The following EPHB3 variants were observed in gnomAD, a reference collection of about 807,000 sequenced individuals.
The protein encoded by EPHB3 is ephrin type-B receptor 3.
A neutral mutation model predicts 100.2 loss-of-function variants in EPHB3; 33 were observed. The ratio of observed to expected loss-of-function variants is 0.33; its 90% CI spans 0.25 to 0.44. The LOEUF (loss-of-function observed/expected upper bound fraction) is 0.44. Among genes scored for constraint, EPHB3 ranks in the 20% least tolerant of loss-of-function variants. EPHB3 has a pLI of 1.00. For synonymous variants in EPHB3, 526 were observed against 554.7 expected (o/e 0.95, Z 0.73); for missense variants, 1,045 against 1,378.3 (o/e 0.76, Z 3.83).
At position 184,573,826 on chromosome 3, in the gene EPHB3, T is replaced by C. The variant is rs1714603308; in HGVS notation, c.856+650T>C. Among the ~76,000 whole-genome samples the C allele has an allele frequency of 6.6e-6, 1 of 151,804 alleles. No individual in the cohort carries two copies. Among genetic ancestry groups the C allele is most frequent in the South Asian group, 2.1e-4 (1 of 4,804 alleles). ...TCCACCTCCCAGGTTCAAACAATTCTCCTGCCTCAGCCTCCTGAGTAGTTG... is the reference window on the plus strand; with the variant it reads ...TCCACCTCCCAGGTTCAAACAATTCCCCTGCCTCAGCCTCCTGAGTAGTTG... On this transcript the variant is annotated intron_variant, in intron 3 of 15. Transcript: ENST00000330394. The surrounding 1 kb of genome is among the most constrained non-coding windows in gnomAD (Gnocchi z 4.5).
rs753068697 is a variant in EPHB3, at chr3:184,577,832, G to A, written c.1639+15G>A. On this transcript the variant is annotated intron_variant, in intron 7 of 15. Transcript: ENST00000330394. The surrounding 1 kb of genome is among the most constrained non-coding windows in gnomAD (Gnocchi z 4.9). ...AAGTGAGAGAGGTTAGTAGCCCCCTGCGCCTGTCCCCATCGCGGCCCTCAC... is the reference window on the plus strand; with the variant it reads ...AAGTGAGAGAGGTTAGTAGCCCCCTACGCCTGTCCCCATCGCGGCCCTCAC... The A allele has an allele frequency of 6.2e-7, 1 of 1,605,736 alleles. No individual in the cohort carries two copies. Among genetic ancestry groups the A allele is most frequent in the Admixed American group, 1.7e-5 (1 of 59,674 alleles).
intron 11 of EPHB3, 84 bp downstream of exon 11, chr3:184,580,018 T>G: frequency 1.3e-6 from 2 of 1,543,064 alleles, no homozygotes; most frequent in Non-Finnish European, 1.7e-6. Context: ...AGACAGCCCC[T>G]ATTCAAGTCC....
At position 184,562,276 on chromosome 3, in the gene EPHB3, C is replaced by G; in HGVS notation, c.41C>G (p.Pro14Arg). The part of the protein sequence containing the change: ...ARPPPPPSPP[P>R]GLLPLLPPLL... ...CCGCCGCCGCCGCCGTCGCCGCCGCCGGGGCTTCTGCCGCTGCTCCCTCCG... is the reference window on the plus strand; with the variant it reads ...CCGCCGCCGCCGCCGTCGCCGCCGCGGGGGCTTCTGCCGCTGCTCCCTCCG... Residue 14 changes from proline to arginine, a missense_variant, in exon 1 of 16, where the codon CCG (proline) becomes CGG (arginine). Physicochemically the swap from Pro to Arg is moderately radical, Grantham distance 103. Around this residue, in one of 2 missense-constraint regions of EPHB3, gnomAD observed 60 missense variants for 47.2 expected, o/e 1.27. Coordinates refer to ENST00000330394, the MANE Select transcript of EPHB3 (RefSeq NM_004443.4). This position sits in a 1 kb window ranked among gnomAD's most constrained non-coding sequence, Gnocchi z 4.8. The G allele has an allele frequency of 8.3e-7, 1 of 1,207,900 alleles. No homozygotes were observed. 74.8% of individuals were successfully genotyped at this position (1,207,900 alleles called of 1,614,324 possible). A position where few individuals can be genotyped will look rare whatever the true frequency, so the allele number is the denominator to read the frequency against.
Position 184,581,762 on chromosome 3 carries a change from C to A in EPHB3, c.*140C>A. ...AGTTTGGGAAAGGCCCAAGCTGGGA[C>A]TTCTCCAGGCCTGTGTTCCCTCCCC... On this transcript the variant is annotated 3_prime_UTR_variant, in exon 16 of 16. Coordinates refer to ENST00000330394, the MANE Select transcript of EPHB3 (RefSeq NM_004443.4). 1.3e-6 allele frequency: 1 copy of A among 798,240 alleles called. No homozygotes were observed. Among genetic ancestry groups the A allele is most frequent in the Non-Finnish European group, 1.9e-6 (1 of 515,830 alleles). The allele number at this position is 798,240 out of a possible 1,614,324, so 49.4% of individuals were successfully genotyped here. A position where few individuals can be genotyped will look rare whatever the true frequency, so the allele number is the denominator to read the frequency against.
At chr3:184,566,573 C>T (rs1035192571) in intron 1 of EPHB3, among the ~76,000 whole-genome samples, 10 of 152,126 alleles carry the variant, frequency 6.6e-5, no homozygotes, top group South Asian at 2.1e-4. Flanking sequence ...GGCTGGCACA[C>T]GTGTGTACAC....
chr3:184,575,965 C>A lies in EPHB3; in HGVS notation c.992C>A (p.Ser331Tyr), dbSNP rs375556795. The part of the protein sequence containing the change: ...HNNFYRADSD[S>Y]ADSACTTVPS... ...AACTTCTACCGTGCAGACTCGGACT[C>A]TGCGGACAGTGCCTGTACCAGTGAG... Residue 331 changes from serine to tyrosine, a missense_variant, in exon 4 of 16, where the codon TCT becomes TAT. Ser to Tyr is a moderately radical substitution (Grantham distance 144). This residue lies in a region of EPHB3 where 985 missense variants were observed against 1,331.1 expected (regional missense o/e 0.74). Transcript: ENST00000330394. The A allele has an allele frequency of 6.2e-7, 1 of 1,613,100 alleles. No individual in the cohort carries two copies. Among genetic ancestry groups the A allele is most frequent in the African/African-American group, 1.3e-5 (1 of 75,012 alleles).
At position 184,581,625 on chromosome 3, in the gene EPHB3, C is replaced by G. The variant is rs766220119; in HGVS notation, c.*3C>G. 6.2e-7 allele frequency: 1 copy of G among 1,604,024 alleles called. No individual in the cohort carries two copies. Among genetic ancestry groups the G allele is most frequent in the South Asian group, 1.1e-5 (1 of 89,478 alleles). Reference sequence around the variant, plus strand: ...AGACGCTGCCTGTGCAGGTCTGACACCGGCTCCCACGGGGACCCTGAGGAC... The same window carrying G: ...AGACGCTGCCTGTGCAGGTCTGACAGCGGCTCCCACGGGGACCCTGAGGAC... On this transcript the variant is annotated 3_prime_UTR_variant, in exon 16 of 16. Coordinates refer to ENST00000330394, the MANE Select transcript of EPHB3 (RefSeq NM_004443.4).
At position 184,566,026 on chromosome 3, in the gene EPHB3, T is replaced by TG. The variant is rs368629402; in HGVS notation, c.118+3681dup. Reference sequence around the variant, plus strand: ...AACTGGTTTGTCGGGATTGGGCAGCTGGGGGGGGTGAAGGGTGGAGGGAGA... The same window carrying TG: ...AACTGGTTTGTCGGGATTGGGCAGCTGGGGGGGGGTGAAGGGTGGAGGGAGA... On this transcript the variant is annotated intron_variant, in intron 1 of 15. Coordinates refer to ENST00000330394, the MANE Select transcript of EPHB3 (RefSeq NM_004443.4). Among the ~76,000 whole-genome samples the TG allele has an allele frequency of 6.4e-3, 967 of 151,748 alleles. 18 individuals carry two copies. The highest frequency in any genetic ancestry group is 0.01 in the Middle Eastern group (3 of 294).
intron 1 of EPHB3, among the ~76,000 whole-genome samples, chr3:184,564,586 C>A (rs2108433618): frequency 6.6e-6 from 1 of 152,280 alleles, no homozygotes; most frequent in Middle Eastern, 3.4e-3. Flanking sequence ...CCTTGGGGAG[C>A]TTCAGGAGTG....
At position 184,577,235 on chromosome 3, in the gene EPHB3, G is replaced by T. The variant is rs1193426937; in HGVS notation, c.1354+52G>T. ...GCCTGGGTCACTTTCTCCTGGATGAGGTGTCCCAGGACCTGCTAAGGGACC... is the reference window on the plus strand; with the variant it reads ...GCCTGGGTCACTTTCTCCTGGATGATGTGTCCCAGGACCTGCTAAGGGACC... On this transcript the variant is annotated intron_variant, in intron 5 of 15. Coordinates refer to ENST00000330394, the MANE Select transcript of EPHB3 (RefSeq NM_004443.4). This position sits in a 1 kb window ranked among gnomAD's most constrained non-coding sequence, Gnocchi z 4.9. 1 of 1,571,502 alleles carries T rather than the reference G, an allele frequency of 6.4e-7. No individual in the cohort carries two copies. Among genetic ancestry groups the T allele is most frequent in the South Asian group, 1.2e-5 (1 of 84,158 alleles).
rs1714580147 is a variant in EPHB3 at position 184,573,037 on chromosome 3, C to T, written c.717C>T (p.Gly239=). 6.2e-7 allele frequency: 1 copy of T among 1,613,070 alleles called. No homozygotes were observed. Among genetic ancestry groups the T allele is most frequent in the African/African-American group, 1.3e-5 (1 of 74,950 alleles). ...CCACCTCGCTGGTCATTGCTCCTGG[C>T]ACCTGCATCCCTAACGCCGTGGAGG... The part of the protein sequence containing the change: ...AEPTSLVIAP[G]TCIPNAVEVS... The change falls in exon 3 of 16, where the codon GGC becomes GGT. Residue 239 remains glycine (G), a synonymous_variant. Coordinates refer to ENST00000330394, the MANE Select transcript of EPHB3 (RefSeq NM_004443.4). The surrounding 1 kb of genome is among the most constrained non-coding windows in gnomAD (Gnocchi z 4.5).
In EPHB3 at chr3:184,577,665, G is replaced by A. The variant is rs1714711921; in HGVS notation, c.1487G>A (p.Gly496Asp). ...YEMKYFEKSE[G>D]IASTVTSQMN... ...TCTCTCCTGGCATTGCAGAGCGAGG[G>A]CATCGCCTCCACAGTGACCAGCCAG... Residue 496 changes from glycine to aspartate, a missense_variant, in exon 7 of 16, where the codon GGC becomes GAC. Physicochemically the swap from Gly to Asp is moderately conservative, Grantham distance 94 (BLOSUM62 -1). Coordinates refer to ENST00000330394, the MANE Select transcript of EPHB3 (RefSeq NM_004443.4). This position sits in a 1 kb window ranked among gnomAD's most constrained non-coding sequence, Gnocchi z 4.9. The A allele has an allele frequency of 6.3e-7, 1 of 1,597,078 alleles. No homozygotes were observed. Among genetic ancestry groups the A allele is most frequent in the East Asian group, 2.2e-5 (1 of 44,568 alleles).
At position 184,573,288 on chromosome 3, in the gene EPHB3, G is replaced by A. The variant is rs1028577806; in HGVS notation, c.856+112G>A. On this transcript the variant is annotated intron_variant, in intron 3 of 15. Transcript: ENST00000330394. The surrounding 1 kb of genome is among the most constrained non-coding windows in gnomAD (Gnocchi z 4.5). ...ATCTGACTAGGAGGTCTGGGAGCAG[G>A]TCCACAGTGGAGGCAGGAGAGGGAA... 2.9e-6 allele frequency: 4 copies of A among 1,365,296 alleles called. No individual in the cohort carries two copies. Among genetic ancestry groups the A allele is most frequent in the South Asian group, 2.6e-5 (2 of 76,460 alleles). 84.6% of individuals were successfully genotyped at this position (1,365,296 alleles called of 1,614,324 possible).
At position 184,571,979 on chromosome 3, in the gene EPHB3, T is replaced by C. The variant is rs529789735; in HGVS notation, c.184-525T>C. Among the ~76,000 whole-genome samples the C allele has an allele frequency of 5.3e-5, 8 of 152,334 alleles. No individual in the cohort carries two copies. Among genetic ancestry groups the C allele is most frequent in the African/African-American group, 1.9e-4 (8 of 41,576 alleles). ...CTGCGAGCCTTGGCTTCCTCATCTC[T>C]AAACGTCGGGACAACAGATGCGGCT... On this transcript the variant is annotated intron_variant, in intron 2 of 15. Transcript: ENST00000330394. The surrounding 1 kb of genome is among the most constrained non-coding windows in gnomAD (Gnocchi z 5.0).
In EPHB3 at chr3:184,577,611, G is replaced by A. The variant is rs750487387; in HGVS notation, c.1480-47G>A. The stretch of plus-strand genomic sequence containing the variant: ...GCCTGGGTGTGAATAGGGGCTGGTT[G>A]GCCTCAGGACCCACCTGAGGGTGCC... On this transcript the variant is annotated intron_variant, in intron 6 of 15. Transcript: ENST00000330394. This position sits in a 1 kb window ranked among gnomAD's most constrained non-coding sequence, Gnocchi z 4.9. The A allele has an allele frequency of 4.5e-6, 7 of 1,570,246 alleles. No homozygotes were observed. Among genetic ancestry groups the A allele is most frequent in the Non-Finnish European group, 6.1e-6 (7 of 1,154,816 alleles).
intron 15 of EPHB3, 26 bp from the exon 16 acceptor site, chr3:184,581,488 T>G (rs1714821139): frequency 1.2e-6 from 2 of 1,606,938 alleles, no homozygotes; most frequent in Non-Finnish European, 1.7e-6. Flanking sequence ...GGAAAGGGAC[T>G]GATCCTAATT....
At position 184,571,425 on chromosome 3, in the gene EPHB3, G is replaced by A. The variant is rs760612252; in HGVS notation, c.183+43G>A. ...TTCTCCTGAGTGTTGTTTGCCATTA[G>A]GCCTCCCCCCACTTCCAGCCTCCGT... On this transcript the variant is annotated intron_variant, in intron 2 of 15. Transcript: ENST00000330394. The surrounding 1 kb of genome is among the most constrained non-coding windows in gnomAD (Gnocchi z 5.0). 6.2e-7 allele frequency: 1 copy of A among 1,609,756 alleles called. No homozygotes were observed. Among genetic ancestry groups the A allele is most frequent in the Non-Finnish European group, 8.5e-7 (1 of 1,176,582 alleles).
chr3:184,581,680 C>CT lies in EPHB3; in HGVS notation c.*61dup. 1 of 1,454,408 alleles carries CT rather than the reference C, an allele frequency of 6.9e-7. No homozygotes were observed. The highest frequency in any genetic ancestry group is 9.2e-7 in the Non-Finnish European group (1 of 1,091,248). The allele number at this position is 1,454,408 out of a possible 1,614,324, so 90.1% of individuals were successfully genotyped here. A position where few individuals can be genotyped will look rare whatever the true frequency, so the allele number is the denominator to read the frequency against. ...CAGGGATGCCAAGCAGCCGGCTGGA[C>CT]TTTCGGACTCTTGGACTTTTGGATG... is the stretch of plus-strand genomic sequence containing the variant. On this transcript the variant is annotated 3_prime_UTR_variant, in exon 16 of 16. Coordinates refer to ENST00000330394, the MANE Select transcript of EPHB3 (RefSeq NM_004443.4).
At position 184,572,757 on chromosome 3, in the gene EPHB3, C is replaced by T; in HGVS notation, c.437C>T (p.Ser146Phe). 1 of 1,612,046 alleles carries T rather than the reference C, an allele frequency of 6.2e-7. No homozygotes were observed. The highest frequency in any genetic ancestry group is 1.1e-5 in the South Asian group (1 of 90,804). Residue 146 changes from serine (S) to phenylalanine (F), a missense_variant, in exon 3 of 16, where the codon TCC becomes TTC. By Grantham distance (155) the Ser-to-Phe change is radical. Around this residue, in one of 2 missense-constraint regions of EPHB3, gnomAD observed 985 missense variants for 1,331.1 expected, o/e 0.74. Coordinates refer to ENST00000330394, the MANE Select transcript of EPHB3 (RefSeq NM_004443.4). The surrounding 1 kb of genome is among the most constrained non-coding windows in gnomAD (Gnocchi z 6.6). ...EADSDVASAS[S>F]PFWMENPYVK... ...GACAGCGATGTGGCCTCAGCCTCCT[C>T]CCCCTTCTGGATGGAGAACCCCTAC...
Sources: allele counts gnomAD v4.1 joint callset (sites outside exome capture counted in the v4.1 genomes callset), GRCh38; gene constraint gnomAD v4.1.1; regional missense constraint gnomAD v4.1.1; non-coding constraint Gnocchi (gnomAD v3.1); transcripts MANE v1.5; gene names NCBI Gene and HGNC (gene_info 2026-07-23, HGNC 2026-07-21).